The following CUX1 variants were observed in gnomAD, a reference collection of about 807,000 sequenced individuals.
CUX1 encodes protein CASP.
In CUX1, 31 loss-of-function variants were observed where a neutral mutation model predicts 158.8. That is an observed-to-expected ratio of 0.20 (90% CI 0.15 to 0.26). CUX1 has a LOEUF of 0.26. CUX1 is among the 10% of genes least tolerant of loss of function. The pLI is 1.00. For missense variants in CUX1, 1,589 were observed against 2,014.6 expected, an observed-to-expected ratio of 0.79 and a Z score of 4.04; for synonymous variants, 879 against 862.1, an observed-to-expected ratio of 1.02 and a Z score of -0.34.
Position 102,097,497 on chromosome 7 carries a change from T to C in CUX1, c.402T>C (p.Asn134=), listed in dbSNP as rs782636888. ...ACAAGGAATTTGCTGAAGTGAAAAA[T>C]CAAGGTTGGTGGAAAATGCGTTCTT... is the stretch of plus-strand genomic sequence containing the variant. The part of the protein sequence containing the change: ...EYNKEFAEVK[N]QEVTIKALKE... The change falls in exon 5 of 24, where the codon AAT becomes AAC. Residue 134 remains asparagine (N), a synonymous_variant. Transcript: ENST00000292535. 1.1e-5 allele frequency: 18 copies of C among 1,591,422 alleles called. No individual in the cohort carries two copies. In the South Asian group the frequency reaches 1.5e-4, roughly 13 times the overall value.
At chr7:101,918,016 A>G (rs2129089451) in intron 2 of CUX1, among the ~76,000 whole-genome samples, 1 of 152,354 alleles carries the variant, frequency 6.6e-6, no homozygotes, top group East Asian at 1.9e-4. Context: ...GGTTAAAAAC[A>G]AACAAAGAAA....
In CUX1 at chr7:102,257,122, G is replaced by A. The variant is rs1789979709; in HGVS notation, c.*8080G>A. ...GAGGCGCCCTGCCTTGATCCCATGG[G>A]CCCAGCAGAAGGAAACTTACCCCAG... On this transcript the variant is annotated 3_prime_UTR_variant, in exon 24 of 24. Coordinates refer to ENST00000292535, the MANE Select transcript of CUX1 (RefSeq NM_181552.4). 2 of 985,204 alleles carry A rather than the reference G, an allele frequency of 2.0e-6. No individual in the cohort carries two copies. The highest frequency in any genetic ancestry group is 2.4e-6 in the Non-Finnish European group (2 of 829,930). The allele number at this position is 985,204 out of a possible 1,614,324, so 61.0% of individuals were successfully genotyped here.
intron 2 of CUX1, among the ~76,000 whole-genome samples, chr7:102,016,244 G>A (rs1288516632): frequency 2.6e-5 from 4 of 152,144 alleles, no homozygotes; most frequent in Admixed American, 6.6e-5. Flanking sequence ...CCCTGTGCCC[G>A]GCCAGGCTTG....
In CUX1 at chr7:102,266,516, A is replaced by G. The variant is rs116420455; in HGVS notation, c.1256-6850A>G. 7.1e-3 allele frequency among the ~76,000 whole-genome samples: 1,076 copies of G among 152,014 alleles called. 10 individuals are homozygous for G. Among genetic ancestry groups the G allele is most frequent in the African/African-American group, 0.024 (993 of 41,458 alleles). Reference sequence around the variant, plus strand: ...AAGATAAATCCAAGGAGAGGCGTGGACTGGAGTCCCACACTGGGGAGGCAT... The same window carrying G: ...AAGATAAATCCAAGGAGAGGCGTGGGCTGGAGTCCCACACTGGGGAGGCAT... On this transcript the variant is annotated intron_variant, in intron 14 of 22. Coordinates refer to the CUX1 transcript ENST00000292538.
chr7:102,091,805 G>GATAGTGGTGTGACCTCGGCTAGTGAT (rs1828608767), intron 4 of CUX1, among the ~76,000 whole-genome samples: 3 of 152,126 alleles, frequency 2.0e-5, no homozygotes, highest in Admixed American at 1.3e-4. Flanking sequence ...ACCCAGGCTG[G>GATAGTGGTGTGACCTCGGCTAGTGAT]AGTGTAGTGG....
chr7:101,833,613 G>C (rs1794302417), intron 1 of CUX1, among the ~76,000 whole-genome samples: 1 of 148,962 alleles, frequency 6.7e-6, no homozygotes, highest in South Asian at 2.1e-4. Flanking sequence ...TTATGGAGAA[G>C]GGAGAAAGTG....
intron 13 of CUX1, 97 bp from the exon 14 acceptor site, chr7:102,195,410 G>T: frequency 1.1e-6 from 1 of 934,046 alleles, no homozygotes; most frequent in Non-Finnish European, 1.6e-6. Flanking sequence ...GGGTGGGAAC[G>T]CGGACAGATG....
chr7:102,094,798 G>C (rs1216362586), intron 4 of CUX1, among the ~76,000 whole-genome samples: 2 of 152,176 alleles, frequency 1.3e-5, no homozygotes, highest in African/African-American at 4.8e-5. Context: ...AAAGGAGGCT[G>C]TGAACGGGCT....
chr7:102,136,673 G>C (rs576858859), intron 8 of CUX1, among the ~76,000 whole-genome samples: 1 of 152,332 alleles, frequency 6.6e-6, no homozygotes, highest in South Asian at 2.1e-4. Context: ...TTAGACGTGA[G>C]CCACCGTGCC....
intron 3 of CUX1, among the ~76,000 whole-genome samples, chr7:102,067,846 G>A (rs1024938749): frequency 4.9e-5 from 5 of 101,078 alleles, no homozygotes; most frequent in South Asian, 7.8e-4. Context: ...ACGAAACCCC[G>A]TCTCCACTAA....
At position 102,248,096 on chromosome 7, in the gene CUX1, A is replaced by C. The variant is rs1801007660; in HGVS notation, c.3888-316A>C. Among the ~76,000 whole-genome samples, 1 of 152,204 alleles carries C rather than the reference A, an allele frequency of 6.6e-6. No homozygotes were observed. Among genetic ancestry groups the C allele is most frequent in the Admixed American group, 6.5e-5 (1 of 15,284 alleles). On this transcript the variant is annotated intron_variant, in intron 23 of 23. Coordinates refer to ENST00000292535, the MANE Select transcript of CUX1 (RefSeq NM_181552.4). The surrounding 1 kb of genome is among the most constrained non-coding windows in gnomAD (Gnocchi z 5.8). ...CAGTCTGCGGAGATTGAGCCACTGC[A>C]CTCCACCTGGGCAGCAACAGGGAAA...
At chr7:102,208,256 G>A (rs80171970) in intron 20 of CUX1, among the ~76,000 whole-genome samples, 15 of 146,684 alleles carry the variant, frequency 1.0e-4, no homozygotes, top group Non-Finnish European at 1.8e-4. Context: ...GTGTGTGTGT[G>A]TCTGTGTGAT....
chr7:101,927,374 G>GA (rs1308427584), intron 2 of CUX1, among the ~76,000 whole-genome samples: 16 of 152,216 alleles, frequency 1.1e-4, no homozygotes, highest in Admixed American at 2.0e-4. Context: ...AGAAAATTCA[G>GA]TTGGCCAAGT....
chr7:101,900,834 G>T (rs1291993364), intron 1 of CUX1, among the ~76,000 whole-genome samples: 2 of 152,112 alleles, frequency 1.3e-5, no homozygotes, highest in African/African-American at 4.8e-5. Context: ...CTTTTAACTT[G>T]CAGGATCCTT....
chr7:102,098,645 CTTTT>C (rs76559878), intron 5 of CUX1, among the ~76,000 whole-genome samples: 4 of 143,244 alleles, frequency 2.8e-5, no homozygotes, highest in African/African-American at 5.2e-5. Context: ...GCAAAGACTT[CTTTT>C]TTTTTTTTTT....
At chr7:101,850,107 A>G (rs1179222951) in intron 1 of CUX1, among the ~76,000 whole-genome samples, 3 of 151,862 alleles carry the variant, frequency 2.0e-5, no homozygotes, top group African/African-American at 7.3e-5. Flanking sequence ...TATTTTTAGT[A>G]GAGATGGGGT....
chr7:101,984,938 G>A (rs1013579957), intron 2 of CUX1, among the ~76,000 whole-genome samples: 1 of 152,144 alleles, frequency 6.6e-6, no homozygotes, highest in Non-Finnish European at 1.5e-5. Context: ...GAATTATAGA[G>A]CTATTTGGTG....
intron 1 of CUX1, among the ~76,000 whole-genome samples, chr7:101,844,184 G>A (rs1011841757): frequency 2.3e-5 from 1 of 43,666 alleles, no homozygotes. Context: ...CCCCCTCCCC[G>A]CCCCCGCCCC....
chr7:102,263,717 G>C (rs1586492169), intron 14 of CUX1, among the ~76,000 whole-genome samples: 1 of 151,160 alleles, frequency 6.6e-6, no homozygotes, highest in African/African-American at 2.4e-5. Flanking sequence ...TTTTGAGACA[G>C]GGTCTCACTC....
Sources: allele counts gnomAD v4.1 joint callset (sites outside exome capture counted in the v4.1 genomes callset), GRCh38; gene constraint gnomAD v4.1.1; non-coding constraint Gnocchi (gnomAD v3.1); transcripts MANE v1.5; gene names NCBI Gene and HGNC (gene_info 2026-07-23, HGNC 2026-07-21).